FAM220A: variants seen among roughly 807,000 people sequenced by gnomAD.
FAM220A encodes protein FAM220A.
For synonymous variants in FAM220A, 141 were observed against 130.7 expected, an observed-to-expected ratio of 1.08 and a Z score of -0.54; for missense variants, 392 against 321.6, an observed-to-expected ratio of 1.22 and a Z score of -1.68.
intron 1 of FAM220A, among the ~76,000 whole-genome samples, chr7:6,340,128 G>A (rs1781821954): frequency 6.6e-6 from 1 of 150,950 alleles, no homozygotes; most frequent in South Asian, 2.1e-4. Flanking sequence ...CAGGTGATCC[G>A]CCCGCCTCGG....
At chr7:6,347,372 C>T (rs1781973249) in intron 1 of FAM220A, among the ~76,000 whole-genome samples, 1 of 151,854 alleles carries the variant, frequency 6.6e-6, no homozygotes, top group Non-Finnish European at 1.5e-5. Flanking sequence ...AAAAATTAGC[C>T]TGGCGTGGTG....
intron 1 of FAM220A, among the ~76,000 whole-genome samples, chr7:6,341,134 ACT>A (rs1781848829): frequency 7.2e-6 from 1 of 138,594 alleles, no homozygotes; most frequent in Admixed American, 7.1e-5. Context: ...ACACAGCAAG[ACT>A]CTGTCCCAAA....
At chr7:6,331,973 G>A (rs977949852) in intron 1 of FAM220A, among the ~76,000 whole-genome samples, 4 of 151,920 alleles carry the variant, frequency 2.6e-5, no homozygotes, top group East Asian at 1.9e-4. Flanking sequence ...TTAGCCAGGT[G>A]TGATGGCAGG....
At chr7:6,344,674 C>T (rs917313738) in intron 1 of FAM220A, among the ~76,000 whole-genome samples, 2 of 152,138 alleles carry the variant, frequency 1.3e-5, no homozygotes, top group Non-Finnish European at 2.9e-5. Context: ...CCACCTTGGA[C>T]TCCCAAAGTG....
chr7:6,333,942 G>T (rs1781694055), intron 1 of FAM220A, among the ~76,000 whole-genome samples: 1 of 150,004 alleles, frequency 6.7e-6, no homozygotes, highest in African/African-American at 2.5e-5. Context: ...CACCTCCCGG[G>T]TTCACGCCAT....
intron 1 of FAM220A, among the ~76,000 whole-genome samples, chr7:6,345,797 C>T (rs1429469050): frequency 6.6e-6 from 1 of 151,944 alleles, no homozygotes; most frequent in African/African-American, 2.4e-5. Flanking sequence ...GAGACAGAGT[C>T]TCGCTGTGTT....
At chr7:6,343,192 C>T (rs747746136) in intron 1 of FAM220A, among the ~76,000 whole-genome samples, 1 of 151,382 alleles carries the variant, frequency 6.6e-6, no homozygotes, top group East Asian at 1.9e-4. Flanking sequence ...GCCTGGCCAA[C>T]ATGGTGAAGC....
At chr7:6,341,180 C>G (rs1293241074) in intron 1 of FAM220A, among the ~76,000 whole-genome samples, 3 of 147,738 alleles carry the variant, frequency 2.0e-5, no homozygotes, top group Admixed American at 6.8e-5. Flanking sequence ...CACAGTGGCT[C>G]ACCCCTGAAA....
rs111863837 is a variant in FAM220A at position 6,333,168 on chromosome 7, CAA to C, written c.-81-1935_-81-1934del. Among the ~76,000 whole-genome samples, 238 of 127,990 alleles carry C rather than the reference CAA, an allele frequency of 1.9e-3. 2 individuals carry two copies. The highest frequency in any genetic ancestry group is 4.9e-3 in the African/African-American group (180 of 36,684). 84.0% of individuals were successfully genotyped at this position (127,990 alleles called of 152,430 possible). On this transcript the variant is annotated intron_variant, in intron 1 of 1. Coordinates refer to ENST00000313324, the MANE Select transcript of FAM220A (RefSeq NM_001037163.2). ...AAGACTCCATCCCAAATAAAAAAAT[CAA>C]AAAAAAAAAAACAAAAAACAAAAAA... is the stretch of plus-strand genomic sequence containing the variant.
intron 1 of FAM220A, 89 bp from the exon 2 acceptor site, chr7:6,331,324 C>A (rs1781630398): frequency 3.0e-6 from 2 of 670,540 alleles, no homozygotes; most frequent in Non-Finnish European, 5.1e-6. Flanking sequence ...CTAACAAACA[C>A]TGAGATCTTT....
chr7:6,337,221 G>A (rs763004123), intron 1 of FAM220A, among the ~76,000 whole-genome samples: 6 of 152,088 alleles, frequency 3.9e-5, no homozygotes, highest in Non-Finnish European at 8.8e-5. Context: ...ACAGGTGTAT[G>A]CCACCATGGC....
chr7:6,342,875 C>T (rs931908171), intron 1 of FAM220A, among the ~76,000 whole-genome samples: 5 of 150,976 alleles, frequency 3.3e-5, no homozygotes, highest in African/African-American at 9.7e-5. Flanking sequence ...CATCTAGAAA[C>T]AAAATGAAAA....
At chr7:6,341,170 C>A (rs982670728) in intron 1 of FAM220A, among the ~76,000 whole-genome samples, 52 of 146,648 alleles carry the variant, frequency 3.5e-4, no homozygotes, top group African/African-American at 1.2e-3. Flanking sequence ...GCTGGCCAGG[C>A]ACAGTGGCTC....
rs952281213 is a variant in FAM220A, at chr7:6,342,424, A to G, written c.-82+6149T>C. ...GCTGGGCATGGTGGTAGGCACCTGT[A>G]ATCCCAGCTACTCGGGAGGCAGGAG... On this transcript the variant is annotated intron_variant, in intron 1 of 1. Coordinates refer to ENST00000313324, the MANE Select transcript of FAM220A (RefSeq NM_001037163.2). 3.9e-5 allele frequency among the ~76,000 whole-genome samples: 6 copies of G among 152,028 alleles called. No homozygotes were observed. In the East Asian group the frequency reaches 1.2e-3, roughly 29 times the overall value.
intron 1 of FAM220A, among the ~76,000 whole-genome samples, chr7:6,343,569 G>A (rs1350101837): frequency 6.6e-6 from 1 of 151,466 alleles, no homozygotes; most frequent in East Asian, 1.9e-4. Flanking sequence ...ACTAAATTTA[G>A]TATTTGGTAT....
rs1429707290 is a variant in FAM220A, at chr7:6,330,985, T to A, written c.170A>T (p.Gln57Leu). ...MNKPVVDGNS[Q>L]SEALSLEMRK... ...CATTTCCAGTGATAATGCCTCACTT[T>A]GTGAATTTCCATCAACCACAGGCTT... Residue 57 changes from glutamine (Q) to leucine (L), a missense_variant, in exon 2 of 2, where the codon CAA becomes CTA. Gln to Leu is a moderately radical substitution (Grantham distance 113). Coordinates refer to ENST00000313324, the MANE Select transcript of FAM220A (RefSeq NM_001037163.2). 6.2e-6 allele frequency: 10 copies of A among 1,614,110 alleles called. No homozygotes were observed. The highest frequency in any genetic ancestry group is 8.5e-6 in the Non-Finnish European group (10 of 1,180,056).
chr7:6,347,660 G>A (rs1258344008), intron 1 of FAM220A, among the ~76,000 whole-genome samples: 2 of 152,034 alleles, frequency 1.3e-5, no homozygotes, highest in Non-Finnish European at 2.9e-5. Flanking sequence ...ATTTTCCCTG[G>A]TCTTCACCCT....
chr7:6,333,275 C>T lies in FAM220A; in HGVS notation c.-81-2040G>A, dbSNP rs558821808. On this transcript the variant is annotated intron_variant, in intron 1 of 1. Transcript: ENST00000313324. ...AGGGAGAGTTTAGAGAAAGAGACCT[C>T]GGGCCATGTCACAGGGAGCCGGTGA... Among the ~76,000 whole-genome samples, 22 of 151,942 alleles carry T rather than the reference C, an allele frequency of 1.4e-4. No individual in the cohort carries two copies. The East Asian group carries it at 1.5e-3, about 11-fold the overall frequency.
chr7:6,339,233 C>A (rs948215370), intron 1 of FAM220A, among the ~76,000 whole-genome samples: 1 of 152,004 alleles, frequency 6.6e-6, no homozygotes, highest in Non-Finnish European at 1.5e-5. Context: ...TTTGGGAGGC[C>A]GAGGTGGGGA....
Sources: gnomAD v4.1 joint callset for allele counts (sites outside exome capture counted in the v4.1 genomes callset) on GRCh38, gnomAD v4.1.1 for gene constraint, MANE v1.5 for transcripts, NCBI Gene and HGNC (gene_info 2026-07-23, HGNC 2026-07-21) for gene names.